TBXA2R: variants seen among roughly 807,000 people sequenced by gnomAD.
The protein encoded by TBXA2R is prostanoid TP receptor.
A neutral mutation model predicts 15.6 loss-of-function variants in TBXA2R; 15 were observed. The ratio of observed to expected loss-of-function variants is 0.96; its 90% CI spans 0.64 to 1.48. TBXA2R has a LOEUF of 1.48. TBXA2R is among the 40% of genes most tolerant of loss of function. The pLI is 0.00. For synonymous variants in TBXA2R, 280 were observed against 241.2 expected (o/e 1.16, Z -1.49); for missense variants, 506 against 491.4 (o/e 1.03, Z -0.28).
chr19:3,595,893 A>C lies in TBXA2R; in HGVS notation c.827T>G (p.Met276Arg). Reference protein sequence around the residue: ...AQTVLRNPPAMSPAGQLSRTT... With the variant: ...AQTVLRNPPARSPAGQLSRTT... Reference sequence around the variant, plus strand: ...GCGGGACAGCTGCCCGGCGGGGCTCATGGCAGGCGGGTTTCGCAGCACTGT... The same window carrying C: ...GCGGGACAGCTGCCCGGCGGGGCTCCTGGCAGGCGGGTTTCGCAGCACTGT... Residue 276 changes from methionine (M) to arginine (R), a missense_variant, in exon 3 of 3, where the codon ATG (methionine) becomes AGG (arginine). Physicochemically the swap from Met to Arg is moderately conservative, Grantham distance 91. Coordinates refer to ENST00000375190, the MANE Select transcript of TBXA2R (RefSeq NM_001060.6). The C allele has an allele frequency of 6.2e-7, 1 of 1,607,522 alleles. No individual in the cohort carries two copies. The highest frequency in any genetic ancestry group is 8.5e-7 in the Non-Finnish European group (1 of 1,177,720).
chr19:3,595,674 G>A lies in TBXA2R; in HGVS notation c.*14C>T, dbSNP rs565561409. 10 of 1,568,822 alleles carry A rather than the reference G, an allele frequency of 6.4e-6. No homozygotes were observed. Among genetic ancestry groups the A allele is most frequent in the Admixed American group, 3.8e-5 (2 of 52,502 alleles). The stretch of plus-strand genomic sequence containing the variant: ...CTCCGCGGAAAGGCGCGGGAGGGGC[G>A]CTCTGTCCACTTCCTACTGCAGCCC... On this transcript the variant is annotated 3_prime_UTR_variant, in exon 3 of 3. Transcript: ENST00000375190.
intron 2 of TBXA2R, 34 bp from the exon 3 acceptor site, chr19:3,595,967 G>A (rs751772235): frequency 2.6e-5 from 41 of 1,564,282 alleles, no homozygotes; most frequent in Admixed American, 1.7e-4. Flanking sequence ...CTGGGCCCCC[G>A]CCTCCAGCCC....
At chr19:3,604,903 G>A (rs1001644477) in intron 1 of TBXA2R, among the ~76,000 whole-genome samples, 5 of 152,132 alleles carry the variant, frequency 3.3e-5, no homozygotes, top group Non-Finnish European at 7.4e-5. Context: ...TTCAGGGACC[G>A]GCCAGACCCT....
chr19:3,599,742 C>T, intron 2 of TBXA2R, 107 bp downstream of exon 2: 2 of 1,492,190 alleles, frequency 1.3e-6, no homozygotes, highest in South Asian at 2.4e-5. Flanking sequence ...TCTGGGATTA[C>T]CGGCGTGAGC....
intron 2 of TBXA2R, among the ~76,000 whole-genome samples, chr19:3,599,589 C>G (rs566645674): frequency 6.6e-6 from 1 of 152,124 alleles, no homozygotes; most frequent in Non-Finnish European, 1.5e-5. Flanking sequence ...CTCGGCCTCC[C>G]AAAGTGCTGG....
chr19:3,604,642 G>A (rs2032797192), intron 1 of TBXA2R, among the ~76,000 whole-genome samples: 1 of 151,850 alleles, frequency 6.6e-6, no homozygotes, highest in African/African-American at 2.4e-5. Context: ...GATCTGCCGT[G>A]GCCAGGCTGG....
chr19:3,605,832 GACAC>G (rs1262627987), intron 1 of TBXA2R, among the ~76,000 whole-genome samples: 1 of 28,176 alleles, frequency 3.5e-5, no homozygotes, highest in African/African-American at 1.1e-4. Context: ...CACGCAGATA[GACAC>G]ACACAAGCAG....
At position 3,594,844 on chromosome 19, in the gene TBXA2R, T is replaced by C; in HGVS notation, c.*844A>G. On this transcript the variant is annotated 3_prime_UTR_variant, in exon 3 of 3. Transcript: ENST00000375190. Reference sequence around the variant, plus strand: ...GGTGCCCCCGTTCACATTCAATCCTTTCTGGACAGAGCCTTCCCTGTTGGA... The same window carrying C: ...GGTGCCCCCGTTCACATTCAATCCTCTCTGGACAGAGCCTTCCCTGTTGGA... The C allele has an allele frequency of 6.5e-7, 1 of 1,536,708 alleles. No homozygotes were observed. The highest frequency in any genetic ancestry group is 8.7e-7 in the Non-Finnish European group (1 of 1,146,682).
intron 2 of TBXA2R, 89 bp downstream of exon 2, chr19:3,599,760 C>A: frequency 6.5e-7 from 1 of 1,534,800 alleles, no homozygotes; most frequent in Non-Finnish European, 8.8e-7. Context: ...AGCCACCGCG[C>A]CCGGTCCCAC....
At chr19:3,599,341 T>G (rs1599871998) in intron 2 of TBXA2R, among the ~76,000 whole-genome samples, 1 of 133,496 alleles carries the variant, frequency 7.5e-6, no homozygotes, top group East Asian at 2.0e-4. Context: ...TTTTTATTTT[T>G]TTTTTTGAGA....
chr19:3,604,388 C>T (rs2032792432), intron 1 of TBXA2R, among the ~76,000 whole-genome samples: 1 of 151,886 alleles, frequency 6.6e-6, no homozygotes. Flanking sequence ...GGCACCAGGC[C>T]TGGCTGCCCC....
intron 1 of TBXA2R, among the ~76,000 whole-genome samples, chr19:3,602,562 C>A (rs2032757533): frequency 6.6e-6 from 1 of 151,922 alleles, no homozygotes; most frequent in Non-Finnish European, 1.5e-5. Context: ...CATGGTGAAA[C>A]CGCATCTCAA....
chr19:3,598,319 T>C (rs917204239), intron 2 of TBXA2R, among the ~76,000 whole-genome samples: 1 of 151,342 alleles, frequency 6.6e-6, no homozygotes, highest in Non-Finnish European at 1.5e-5. Flanking sequence ...GTTTTTTTTC[T>C]TTTCTTTTCT....
chr19:3,596,774 G>C (rs2032612486), intron 2 of TBXA2R, among the ~76,000 whole-genome samples: 1 of 150,710 alleles, frequency 6.6e-6, no homozygotes, highest in Admixed American at 6.6e-5. Flanking sequence ...GTAGAGACAG[G>C]GTTTCACTGT....
Position 3,600,183 on chromosome 19 carries a change from G to T in TBXA2R, c.452C>A (p.Ala151Asp). 6.3e-7 allele frequency: 1 copy of T among 1,596,630 alleles called. No homozygotes were observed. Among genetic ancestry groups the T allele is most frequent in the East Asian group, 2.3e-5 (1 of 44,156 alleles). Residue 151 changes from alanine to aspartate, a missense_variant, in exon 2 of 3, where the codon GCC (alanine) becomes GAC (aspartate). By Grantham distance (126) the Ala-to-Asp change is moderately radical. Transcript: ENST00000375190. ...PAVASQRRAW[A>D]TVGLVWAAAL... ...GGCCGCCCACACCAGCCCCACGGTG[G>T]CCCAGGCGCGGCGCTGCGAGGCGAC...
intron 1 of TBXA2R, among the ~76,000 whole-genome samples, 154 bp downstream of exon 1, chr19:3,606,376 C>A (rs1004699420): frequency 6.6e-6 from 1 of 152,356 alleles, no homozygotes; most frequent in African/African-American, 2.4e-5. Context: ...ATGCCACCCG[C>A]CGGGCCACAC....
Position 3,600,365 on chromosome 19 carries a change from G to A in TBXA2R, c.270C>T (p.Ala90=), listed in dbSNP as rs568910789. 46 of 1,613,356 alleles carry A rather than the reference G, an allele frequency of 2.9e-5. No individual in the cohort carries two copies. In the South Asian group the frequency reaches 4.5e-4, roughly 16 times the overall value. The change falls in exon 2 of 3, where the codon GCC becomes GCT. Residue 90 remains alanine, a synonymous_variant. Coordinates refer to ENST00000375190, the MANE Select transcript of TBXA2R (RefSeq NM_001060.6). ...VTGTIVVSQH[A]ALFEWHAVDP... is the part of the protein sequence containing the mutation. ...CCACGGCGTGCCACTCGAAGAGCGC[G>A]GCGTGCTGGGACACCACGATGGTAC...
At chr19:3,596,312 G>A (rs539813725) in intron 2 of TBXA2R, among the ~76,000 whole-genome samples, 4 of 152,178 alleles carry the variant, frequency 2.6e-5, no homozygotes, top group Non-Finnish European at 5.9e-5. Flanking sequence ...TTACAGGAGT[G>A]AGCCACTGCG....
At chr19:3,605,013 C>T (rs952382864) in intron 1 of TBXA2R, among the ~76,000 whole-genome samples, 7 of 152,224 alleles carry the variant, frequency 4.6e-5, no homozygotes, top group East Asian at 3.8e-4. Flanking sequence ...CTCCCCTCAT[C>T]GCAAAGCTCC....
Sources: gnomAD v4.1 joint callset for allele counts (sites outside exome capture counted in the v4.1 genomes callset) on GRCh38, gnomAD v4.1.1 for gene constraint, MANE v1.5 for transcripts, NCBI Gene and HGNC (gene_info 2026-07-23, HGNC 2026-07-21) for gene names.